Variants in SMAD9 observed in about 807,000 individuals in gnomAD.
The protein encoded by SMAD9 is SMAD family member 9.
SMAD9 carries 36 observed loss-of-function variants against 46.1 expected under a neutral mutation model. The observed-to-expected ratio is 0.78, with a 90% CI of 0.60 to 1.03. The LOEUF (loss-of-function observed/expected upper bound fraction) is 1.03. Among genes scored for constraint, SMAD9 ranks in the 50% least tolerant of loss-of-function variants. SMAD9 has a pLI of 0.00. For missense variants in SMAD9, 572 were observed against 599.8 expected (o/e 0.95, Z 0.48); for synonymous variants, 245 against 237.1 (o/e 1.03, Z -0.31).
chr13:36,879,400 C>A lies in SMAD9; in HGVS notation c.290G>T (p.Arg97Leu). 1 of 1,613,976 alleles carries A rather than the reference C, an allele frequency of 6.2e-7. No individual in the cohort carries two copies. Residue 97 changes from arginine (R) to leucine (L), a missense_variant, in exon 2 of 7, where the codon CGC (arginine) becomes CTC (leucine). Coordinates refer to ENST00000379826, the MANE Select transcript of SMAD9 (RefSeq NM_001127217.3). Reference sequence around the variant, plus strand: ...GTGGTGGGACTGCAGATCCGGCCAGCGCCACACGCGACAGTAAATCACATG... The same window carrying A: ...GTGGTGGGACTGCAGATCCGGCCAGAGCCACACGCGACAGTAAATCACATG... The part of the protein sequence containing the change: ...LPHVIYCRVW[R>L]WPDLQSHHEL...
intron 1 of SMAD9, among the ~76,000 whole-genome samples, chr13:36,898,058 C>A (rs2058543902): frequency 6.6e-6 from 1 of 151,712 alleles, no homozygotes; most frequent in South Asian, 2.1e-4. Flanking sequence ...CAGGGTTTCA[C>A]CGTGTTAGCC....
At chr13:36,899,399 T>C (rs1281601819) in intron 1 of SMAD9, among the ~76,000 whole-genome samples, 1 of 152,188 alleles carries the variant, frequency 6.6e-6, no homozygotes, top group Admixed American at 6.5e-5. Context: ...TACTTTTTTG[T>C]ATATGTTGAT....
intron 1 of SMAD9, among the ~76,000 whole-genome samples, chr13:36,911,870 A>G (rs1282644632): frequency 6.6e-6 from 1 of 152,078 alleles, no homozygotes; most frequent in Admixed American, 6.5e-5. Context: ...CACCACACCC[A>G]GCTAATTTTG....
chr13:36,848,549 A>G lies in SMAD9; in HGVS notation c.*127T>C, dbSNP rs1396971323. The G allele has an allele frequency of 1.1e-6, 1 of 948,354 alleles. No individual in the cohort carries two copies. Among genetic ancestry groups the G allele is most frequent in the Non-Finnish European group, 1.7e-6 (1 of 586,482 alleles). 58.7% of individuals were successfully genotyped at this position (948,354 alleles called of 1,614,324 possible). On this transcript the variant is annotated 3_prime_UTR_variant, in exon 7 of 7. Coordinates refer to ENST00000379826, the MANE Select transcript of SMAD9 (RefSeq NM_001127217.3). ...ACAAAACAAACGGTGATTAAAAAAA[A>G]TAAGAACAGTATACATTCTATGTAT...
chr13:36,911,787 C>A (rs1336984766), intron 1 of SMAD9, among the ~76,000 whole-genome samples: 1 of 152,228 alleles, frequency 6.6e-6, no homozygotes, highest in African/African-American at 2.4e-5. Context: ...CAGCTCACTG[C>A]AACCTCTGCC....
chr13:36,913,424 T>C (rs1451126450), intron 1 of SMAD9, among the ~76,000 whole-genome samples: 1 of 152,136 alleles, frequency 6.6e-6, no homozygotes, highest in Non-Finnish European at 1.5e-5. Context: ...GAATATCCTA[T>C]ACAAGCCCCA....
intron 1 of SMAD9, among the ~76,000 whole-genome samples, 151 bp from the exon 2 acceptor site, chr13:36,880,026 C>T (rs1417925396): frequency 6.6e-6 from 1 of 152,212 alleles, no homozygotes; most frequent in East Asian, 1.9e-4. Context: ...TGCGCCACTG[C>T]ACTCCAGCCT....
intron 1 of SMAD9, among the ~76,000 whole-genome samples, chr13:36,890,887 G>A (rs191972356): frequency 6.6e-6 from 1 of 151,992 alleles, no homozygotes; most frequent in East Asian, 1.9e-4. Context: ...TGAGCTGGTG[G>A]CAGAGCAGGA....
Position 36,848,332 on chromosome 13 carries a change from T to G in SMAD9, c.*344A>C, listed in dbSNP as rs2058049210. 1 of 294,746 alleles carries G rather than the reference T, an allele frequency of 3.4e-6. No homozygotes were observed. The highest frequency in any genetic ancestry group is 2.2e-5 in the African/African-American group (1 of 46,166). 18.3% of individuals were successfully genotyped at this position (294,746 alleles called of 1,614,324 possible). On this transcript the variant is annotated 3_prime_UTR_variant, in exon 7 of 7. Coordinates refer to ENST00000379826, the MANE Select transcript of SMAD9 (RefSeq NM_001127217.3). ...TGTATAAACAGTTTCAATGTTTCTG[T>G]GAGGCCACACAACATGCTTTATAAT...
chr13:36,918,149 T>C (rs2058712918), intron 1 of SMAD9, among the ~76,000 whole-genome samples: 1 of 152,204 alleles, frequency 6.6e-6, no homozygotes, highest in Admixed American at 6.5e-5. Flanking sequence ...TAACTAGGAA[T>C]ATATAAGTTA....
At chr13:36,886,293 G>A (rs11842721) in intron 1 of SMAD9, among the ~76,000 whole-genome samples, 6,622 of 152,290 alleles carry the variant, frequency 0.043, 350 homozygotes, top group East Asian at 0.18. Flanking sequence ...ACATGGGTGC[G>A]TCCCCTGACA....
chr13:36,898,156 C>A (rs2058544898), intron 1 of SMAD9, among the ~76,000 whole-genome samples: 1 of 151,940 alleles, frequency 6.6e-6, no homozygotes, highest in Non-Finnish European at 1.5e-5. Context: ...CTGCACCCGG[C>A]CGAAATGTCC....
At chr13:36,873,106 A>G (rs1039118899) in intron 2 of SMAD9, among the ~76,000 whole-genome samples, 191 bp from the exon 3 acceptor site, 3 of 152,286 alleles carry the variant, frequency 2.0e-5, no homozygotes, top group African/African-American at 7.2e-5. Context: ...CTAAGAAGCA[A>G]GCATGTGAGT....
chr13:36,885,767 T>G (rs1455628730), intron 1 of SMAD9, among the ~76,000 whole-genome samples: 1 of 151,956 alleles, frequency 6.6e-6, no homozygotes, highest in Non-Finnish European at 1.5e-5. Flanking sequence ...TTTGGGTGAT[T>G]GCACAAATAC....
At position 36,872,777 on chromosome 13, in the gene SMAD9, G is replaced by A; in HGVS notation, c.551C>T (p.Pro184Leu). The A allele has an allele frequency of 6.2e-7, 1 of 1,614,090 alleles. No homozygotes were observed. The highest frequency in any genetic ancestry group is 8.5e-7 in the Non-Finnish European group (1 of 1,180,030). The stretch of plus-strand genomic sequence containing the variant: ...TGAGGGAGGGAGTGCAGAGCACGGA[G>A]GCTGCTGGAAAGAGTCAGGATAGGT... ...NATYPDSFQQPPCSALPPSPS... is the reference protein window; with the variant it reads ...NATYPDSFQQLPCSALPPSPS... Residue 184 changes from proline (P) to leucine (L), a missense_variant, in exon 3 of 7, where the codon CCT (proline) becomes CTT (leucine). Pro to Leu is a moderately conservative substitution (Grantham distance 98). Coordinates refer to ENST00000379826, the MANE Select transcript of SMAD9 (RefSeq NM_001127217.3).
At chr13:36,886,849 G>A (rs2058449519) in intron 1 of SMAD9, among the ~76,000 whole-genome samples, 1 of 152,020 alleles carries the variant, frequency 6.6e-6, no homozygotes, top group Non-Finnish European at 1.5e-5. Context: ...AATGCCAAGA[G>A]GGTGGCACAG....
In SMAD9 at chr13:36,872,744, T is replaced by C. The variant is rs768631742; in HGVS notation, c.584A>G (p.His195Arg). ...CGTGCACGGGGACTGGGAGAACGCG[T>C]GGCTGGGTGAGGGAGGGAGTGCAGA... ...PCSALPPSPS[H>R]AFSQSPCTAS... The change falls in exon 3 of 7, where the codon CAC (histidine) becomes CGC (arginine). Residue 195 changes from histidine (H) to arginine (R), a missense_variant. By Grantham distance (29) the His-to-Arg change is conservative. Coordinates refer to ENST00000379826, the MANE Select transcript of SMAD9 (RefSeq NM_001127217.3). 2.5e-6 allele frequency: 4 copies of C among 1,613,706 alleles called. No homozygotes were observed. The highest frequency in any genetic ancestry group is 1.7e-6 in the Non-Finnish European group (2 of 1,179,948).
intron 5 of SMAD9, among the ~76,000 whole-genome samples, chr13:36,855,306 G>A (rs1305310392): frequency 1.3e-5 from 2 of 148,814 alleles, no homozygotes; most frequent in Admixed American, 1.3e-4. Flanking sequence ...TGCTGCTCAT[G>A]CTAATTTCCA....
chr13:36,904,541 A>G (rs1202008608), intron 1 of SMAD9, among the ~76,000 whole-genome samples: 3 of 152,168 alleles, frequency 2.0e-5, no homozygotes, highest in Non-Finnish European at 2.9e-5. Flanking sequence ...TTCAGCCACT[A>G]AAAGGCCATG....
Sources: allele counts gnomAD v4.1 joint callset (sites outside exome capture counted in the v4.1 genomes callset), GRCh38; gene constraint gnomAD v4.1.1; transcripts MANE v1.5; gene names NCBI Gene and HGNC (gene_info 2026-07-23, HGNC 2026-07-21).